Variants in SCLY observed in about 807,000 individuals in gnomAD.
The protein encoded by SCLY is putative selenocysteine lyase.
In SCLY, 38 loss-of-function variants were observed where a neutral mutation model predicts 50.1. The observed-to-expected ratio is 0.76, with a 90% CI of 0.59 to 0.99. SCLY has a LOEUF of 0.99. SCLY is among the 50% of genes least tolerant of loss of function. SCLY has a pLI of 0.00. For missense variants in SCLY, 600 were observed against 620.0 expected, an observed-to-expected ratio of 0.97 and a Z score of 0.34; for synonymous variants, 243 against 249.4, an observed-to-expected ratio of 0.97 and a Z score of 0.24.
intron 8 of SCLY, chr2:238,091,557 AAAG>A: frequency 5.7e-5 from 19 of 332,066 alleles, no homozygotes; most frequent in South Asian, 1.1e-4. Flanking sequence ...CACCATTCCC[AAAG>A]GCGTCGGCAG....
intron 7 of SCLY, among the ~76,000 whole-genome samples, chr2:238,089,609 A>G (rs1203609387): frequency 6.6e-6 from 1 of 151,182 alleles, no homozygotes; most frequent in Non-Finnish European, 1.5e-5. Context: ...ACACAAATGC[A>G]TAAACTTTCT....
In SCLY at chr2:238,061,014, C is replaced by T. The variant is rs879880620; in HGVS notation, c.-41C>T. 2.2e-6 allele frequency: 3 copies of T among 1,342,274 alleles called. No homozygotes were observed. Among genetic ancestry groups the T allele is most frequent in the Non-Finnish European group, 2.9e-6 (3 of 1,048,670 alleles). The allele number at this position is 1,342,274 out of a possible 1,614,324, so 83.1% of individuals were successfully genotyped here. ...CCGGCGCTCTGGGCCCGTAGCGCTC[C>T]GCGGGAAGGAGGCTGGATGCCCGGC... On this transcript the variant is annotated 5_prime_UTR_variant, in exon 1 of 12. Coordinates refer to ENST00000254663, the MANE Select transcript of SCLY (RefSeq NM_016510.7).
Position 238,069,358 on chromosome 2 carries a change from G to A in SCLY, c.365G>A (p.Gly122Glu). Residue 122 changes from glycine (G) to glutamate (E), a missense_variant, in exon 4 of 12, where the codon GGA (glycine) becomes GAA (glutamate). Coordinates refer to ENST00000254663, the MANE Select transcript of SCLY (RefSeq NM_016510.7). The surrounding 1 kb of genome is among the most constrained non-coding windows in gnomAD (Gnocchi z 5.0). ...TTCCACGCAAACCAGACCTCAAAGG[G>A]ACACACAGGTGGGCACCACAGCCCA... ...KHFHANQTSK[G>E]HTGGHHSPVK... The A allele has an allele frequency of 6.2e-7, 1 of 1,614,090 alleles. No individual in the cohort carries two copies. The highest frequency in any genetic ancestry group is 1.6e-4 in the Middle Eastern group (1 of 6,062).
chr2:238,064,473 A>G lies in SCLY; in HGVS notation c.202+4A>G, dbSNP rs1387636756. 8.8e-6 allele frequency: 14 copies of G among 1,592,270 alleles called. No homozygotes were observed. The highest frequency in any genetic ancestry group is 1.2e-5 in the Non-Finnish European group (14 of 1,167,262). On this transcript the variant is annotated splice_donor_region_variant and intron_variant, in intron 2 of 11. Coordinates refer to ENST00000254663, the MANE Select transcript of SCLY (RefSeq NM_016510.7). ...CCCAGCAGCCCGTATTCAGCAGGTA[A>G]TTCTAGAAGATGCACGTGTTCACTG...
At chr2:238,074,808 T>G (rs1398116880) in intron 4 of SCLY, among the ~76,000 whole-genome samples, 1 of 152,166 alleles carries the variant, frequency 6.6e-6, no homozygotes, top group Admixed American at 6.5e-5. Context: ...AGTTGGTTTT[T>G]TAATGGATTC....
chr2:238,072,726 G>A (rs13406372), intron 4 of SCLY, among the ~76,000 whole-genome samples: 4,009 of 152,158 alleles, frequency 0.026, 169 homozygotes, highest in African/African-American at 0.091. Context: ...ATTTTAATTG[G>A]ATGACTTGTC....
At chr2:238,076,075 A>G (rs1354056866) in intron 4 of SCLY, among the ~76,000 whole-genome samples, 1 of 145,334 alleles carries the variant, frequency 6.9e-6, no homozygotes, top group Non-Finnish European at 1.5e-5. Context: ...CAGTGTCTTA[A>G]GGTGGAAGAT....
chr2:238,070,030 A>G (rs1300878332), intron 4 of SCLY, among the ~76,000 whole-genome samples: 1 of 152,172 alleles, frequency 6.6e-6, no homozygotes. Context: ...ATGTGTGGAG[A>G]AGCGGAGTGA....
At chr2:238,063,964 A>G (rs2065044621) in intron 1 of SCLY, among the ~76,000 whole-genome samples, 2 of 152,246 alleles carry the variant, frequency 1.3e-5, no homozygotes, top group Non-Finnish European at 2.9e-5. Flanking sequence ...TGCAGTGGCT[A>G]TTCATAGGCA....
At chr2:238,088,626 TTCAA>T (rs1223539314) in intron 7 of SCLY, among the ~76,000 whole-genome samples, 3 of 152,038 alleles carry the variant, frequency 2.0e-5, no homozygotes, top group Non-Finnish European at 4.4e-5. Context: ...AATAAAAAAA[TTCAA>T]TCAATGTAAT....
chr2:238,096,555 C>A (rs1024578617), intron 10 of SCLY, among the ~76,000 whole-genome samples: 1 of 152,196 alleles, frequency 6.6e-6, no homozygotes, highest in Admixed American at 6.5e-5. Context: ...ATTACAAATG[C>A]GATTTTCAAG....
At position 238,083,175 on chromosome 2, in the gene SCLY, A is replaced by G; in HGVS notation, c.778-73A>G. The G allele has an allele frequency of 2.9e-6, 3 of 1,041,594 alleles. No individual in the cohort carries two copies. The highest frequency in any genetic ancestry group is 1.3e-5 in the South Asian group (1 of 79,342). 64.5% of individuals were successfully genotyped at this position (1,041,594 alleles called of 1,614,324 possible). A position where few individuals can be genotyped will look rare whatever the true frequency, so the allele number is the denominator to read the frequency against. Reference sequence around the variant, plus strand: ...CAGAGCATTTCTCCTGTGTGCCCCTAAGCACTTAGCATGTATACAGAGTAG... The same window carrying G: ...CAGAGCATTTCTCCTGTGTGCCCCTGAGCACTTAGCATGTATACAGAGTAG... On this transcript the variant is annotated intron_variant, in intron 6 of 11. Transcript: ENST00000254663. The surrounding 1 kb of genome is among the most constrained non-coding windows in gnomAD (Gnocchi z 4.3).
chr2:238,064,612 T>C (rs1212194916), intron 2 of SCLY, 143 bp downstream of exon 2: 3 of 507,914 alleles, frequency 5.9e-6, no homozygotes, highest in Non-Finnish European at 1.0e-5. Flanking sequence ...TTTTTGATAG[T>C]TTCTTTTCTG....
intron 8 of SCLY, chr2:238,093,107 C>G (rs995605047): frequency 2.0e-5 from 3 of 152,810 alleles, no homozygotes; most frequent in African/African-American, 7.2e-5. Context: ...TGTCATCGTC[C>G]CCTGCCTCCA....
rs1053617682 is a variant in SCLY, at chr2:238,062,050, C to G, written c.89+907C>G. ...AATATCCCCTAGGGAATCAGTGGAG[C>G]GAGATTCCCAAGATTTTTTATTTTT... On this transcript the variant is annotated intron_variant, in intron 1 of 11. Coordinates refer to ENST00000254663, the MANE Select transcript of SCLY (RefSeq NM_016510.7). Among the ~76,000 whole-genome samples the G allele has an allele frequency of 4.7e-4, 71 of 152,134 alleles. 1 individual carries two copies. Among genetic ancestry groups the G allele is most frequent in the African/African-American group, 1.3e-3 (55 of 41,414 alleles).
At position 238,083,262 on chromosome 2, in the gene SCLY, G is replaced by A. The variant is rs2065256637; in HGVS notation, c.792G>A (p.Arg264=). The A allele has an allele frequency of 6.2e-7, 1 of 1,613,042 alleles. No individual in the cohort carries two copies. The highest frequency in any genetic ancestry group is 8.5e-7 in the Non-Finnish European group (1 of 1,179,034). ...TTTCCTTCCAGTTTTATGGTCCCAG[G>A]ATTGGCGCACTTTATATACGAGGAC... ...TIVGHKFYGP[R]IGALYIRGLG... The change falls in exon 7 of 12, where the codon AGG becomes AGA. Residue 264 remains arginine (R), a synonymous_variant. Coordinates refer to ENST00000254663, the MANE Select transcript of SCLY (RefSeq NM_016510.7). This position sits in a 1 kb window ranked among gnomAD's most constrained non-coding sequence, Gnocchi z 4.3.
intron 4 of SCLY, chr2:238,073,874 T>C: frequency 2.4e-6 from 1 of 420,714 alleles, no homozygotes; most frequent in Non-Finnish European, 4.7e-6. Context: ...TCCTTATGAT[T>C]TTCTTAGTAT....
Position 238,089,630 on chromosome 2 carries a change from A to ATT in SCLY, c.885-1575_885-1574dup, listed in dbSNP as rs544432437. 8.5e-4 allele frequency among the ~76,000 whole-genome samples: 112 copies of ATT among 132,394 alleles called. No homozygotes were observed. In the South Asian group the frequency reaches 0.014, roughly 16 times the overall value. 86.9% of individuals were successfully genotyped at this position (132,394 alleles called of 152,430 possible). ...ATGCATAAACTTTCTTAAAACATTG[A>ATT]TTTTTTTTTTTTTTGCGATTTTTTT... On this transcript the variant is annotated intron_variant, in intron 7 of 11. Transcript: ENST00000254663.
rs375680501 is a variant in SCLY, at chr2:238,082,009, G to A, written c.613-36G>A. On this transcript the variant is annotated intron_variant, in intron 5 of 11. Coordinates refer to ENST00000254663, the MANE Select transcript of SCLY (RefSeq NM_016510.7). Reference sequence around the variant, plus strand: ...TCTGTCATTCAGTTTTCATCAGATCGGAGCAACATACTCAACTGTTTCCTT... The same window carrying A: ...TCTGTCATTCAGTTTTCATCAGATCAGAGCAACATACTCAACTGTTTCCTT... The A allele has an allele frequency of 1.1e-4, 175 of 1,598,312 alleles. 4 individuals are homozygous for A. In the East Asian group the frequency reaches 1.3e-3, roughly 12 times the overall value.
Sources: gnomAD v4.1 joint callset for allele counts (sites outside exome capture counted in the v4.1 genomes callset) on GRCh38, gnomAD v4.1.1 for gene constraint, Gnocchi (gnomAD v3.1) non-coding constraint, MANE v1.5 for transcripts, NCBI Gene and HGNC (gene_info 2026-07-23, HGNC 2026-07-21) for gene names.